The following ADGRD1 variants were observed in gnomAD, a reference collection of about 807,000 sequenced individuals.
ADGRD1 encodes the protein adhesion G protein-coupled receptor D1.
In ADGRD1, 77 loss-of-function variants were observed where a neutral mutation model predicts 113.4. That is an observed-to-expected ratio of 0.68 (90% CI 0.57 to 0.82). The LOEUF is 0.82. Ranked by LOEUF, ADGRD1 falls within the 40% of genes least tolerant of loss-of-function variation. The pLI is 0.00. For synonymous variants in ADGRD1, 474 were observed against 475.0 expected (o/e 1.00, Z 0.03); for missense variants, 1,036 against 1,139.1 (o/e 0.91, Z 1.30).
chr12:130,986,637 C>T (rs949722801), intron 5 of ADGRD1, among the ~76,000 whole-genome samples: 2 of 151,646 alleles, frequency 1.3e-5, no homozygotes, highest in Admixed American at 1.3e-4. Flanking sequence ...TTCTTATTTC[C>T]TTTTTTTTCC....
intron 13 of ADGRD1, among the ~76,000 whole-genome samples, chr12:131,049,698 C>G (rs140965564): frequency 6.6e-6 from 1 of 152,098 alleles, no homozygotes; most frequent in Admixed American, 6.5e-5. Context: ...GTCTGGGGTG[C>G]GAGCAGGGGC....
intron 12 of ADGRD1, among the ~76,000 whole-genome samples, chr12:131,009,371 C>T (rs1292184481): frequency 1.3e-5 from 2 of 152,198 alleles, no homozygotes; most frequent in African/African-American, 4.8e-5. Flanking sequence ...TAAAGAGGTT[C>T]GTGCCTGAGC....
At position 131,022,374 on chromosome 12, in the gene ADGRD1, C is replaced by A. The variant is rs1879421422; in HGVS notation, c.1473+8034C>A. 6.6e-6 allele frequency among the ~76,000 whole-genome samples: 1 copy of A among 152,176 alleles called. No individual in the cohort carries two copies. ...GCTCATCTTCCTTCATGAATTTCTACATTTTGATTGCTCTTGCCTGCAAAA... is the reference window on the plus strand; with the variant it reads ...GCTCATCTTCCTTCATGAATTTCTAAATTTTGATTGCTCTTGCCTGCAAAA... On this transcript the variant is annotated intron_variant, in intron 13 of 24. Coordinates refer to ENST00000261654, the MANE Select transcript of ADGRD1 (RefSeq NM_198827.5). This position sits in a 1 kb window ranked among gnomAD's most constrained non-coding sequence, Gnocchi z 4.6.
chr12:131,046,579 T>C lies in ADGRD1; in HGVS notation c.1474-30222T>C, dbSNP rs1328866534. Among the ~76,000 whole-genome samples the C allele has an allele frequency of 8.4e-4, 96 of 113,712 alleles. 1 individual carries two copies. Among genetic ancestry groups the C allele is most frequent in the African/African-American group, 3.6e-3 (91 of 25,556 alleles). 74.6% of individuals were successfully genotyped at this position (113,712 alleles called of 152,430 possible). ...GGCCAGTGTCCTCCCTGGTGAGTGC[T>C]CCCTCCCTGGTCAGTGTCCTCCCTG... is the stretch of plus-strand genomic sequence containing the variant. On this transcript the variant is annotated intron_variant, in intron 13 of 24. Transcript: ENST00000261654.
intron 4 of ADGRD1, among the ~76,000 whole-genome samples, chr12:130,980,452 C>T (rs1872826701): frequency 6.6e-6 from 1 of 150,538 alleles, no homozygotes; most frequent in East Asian, 2.0e-4. Context: ...GGCTGGAGTG[C>T]AATGGCGTGG....
intron 17 of ADGRD1, among the ~76,000 whole-genome samples, chr12:131,107,941 T>C (rs1271886583): frequency 1.3e-5 from 2 of 152,192 alleles, no homozygotes; most frequent in African/African-American, 4.8e-5. Flanking sequence ...TCTGGTTTCC[T>C]GGACCTTTTA....
chr12:130,962,967 T>C, intron 2 of ADGRD1: 1 of 152,238 alleles, frequency 6.6e-6, no homozygotes, highest in African/African-American at 2.4e-5. Context: ...CATAACTACC[T>C]ATGGCACTTC....
At chr12:131,043,680 C>A (rs1177673781) in intron 13 of ADGRD1, among the ~76,000 whole-genome samples, 2 of 152,236 alleles carry the variant, frequency 1.3e-5, no homozygotes, top group African/African-American at 4.8e-5. Flanking sequence ...GCCCTGCGCA[C>A]GCACACAGGG....
chr12:131,030,003 C>T lies in ADGRD1; in HGVS notation c.1473+15663C>T, dbSNP rs182336607. On this transcript the variant is annotated intron_variant, in intron 13 of 24. Transcript: ENST00000261654. Reference sequence around the variant, plus strand: ...TGTGGACCCCTCTTATGGTAACATTCCCAGGCTCTGGGGTTAGGATGTGGA... The same window carrying T: ...TGTGGACCCCTCTTATGGTAACATTTCCAGGCTCTGGGGTTAGGATGTGGA... Among the ~76,000 whole-genome samples, 188 of 148,040 alleles carry T rather than the reference C, an allele frequency of 1.3e-3. 7 individuals carry two copies. The highest frequency in any genetic ancestry group is 4.4e-3 in the African/African-American group (172 of 39,386).
chr12:130,993,925 G>T (rs1284279890), intron 8 of ADGRD1: 1 of 160,748 alleles, frequency 6.2e-6, no homozygotes, highest in Non-Finnish European at 1.4e-5. Context: ...CGTCCAGGAG[G>T]GAAAGAACGG....
intron 5 of ADGRD1, among the ~76,000 whole-genome samples, chr12:130,983,063 G>T (rs1162262657): frequency 1.3e-5 from 2 of 152,184 alleles, no homozygotes; most frequent in Non-Finnish European, 2.9e-5. Context: ...GACCCAAACA[G>T]GCTGGATCAA....
chr12:131,045,005 C>T (rs1882532712), intron 13 of ADGRD1, among the ~76,000 whole-genome samples: 1 of 152,274 alleles, frequency 6.6e-6, no homozygotes, highest in African/African-American at 2.4e-5. Context: ...GCGCCTTCTC[C>T]GCAGGCCGTG....
rs78071636 is a variant in ADGRD1, at chr12:131,022,443, C to G, written c.1473+8103C>G. Among the ~76,000 whole-genome samples, 1,861 of 152,296 alleles carry G rather than the reference C, an allele frequency of 0.012. 37 individuals carry two copies. Among genetic ancestry groups the G allele is most frequent in the African/African-American group, 0.041 (1,714 of 41,558 alleles). On this transcript the variant is annotated intron_variant, in intron 13 of 24. Coordinates refer to ENST00000261654, the MANE Select transcript of ADGRD1 (RefSeq NM_198827.5). The surrounding 1 kb of genome is among the most constrained non-coding windows in gnomAD (Gnocchi z 4.6). ...GCCTAATGATGACTTTCTATTTCCACCATTCCTTCTGCATTTATTAATTGG... is the reference window on the plus strand; with the variant it reads ...GCCTAATGATGACTTTCTATTTCCAGCATTCCTTCTGCATTTATTAATTGG...
chr12:131,097,343 C>G (rs11836013), intron 15 of ADGRD1, among the ~76,000 whole-genome samples: 6,180 of 152,260 alleles, frequency 0.041, 411 homozygotes, highest in African/African-American at 0.14. Flanking sequence ...AGCATCTGTT[C>G]AAACACACAG....
intron 20 of ADGRD1, among the ~76,000 whole-genome samples, chr12:131,128,574 GA>G (rs1166436945): frequency 2.0e-5 from 3 of 152,140 alleles, no homozygotes; most frequent in African/African-American, 7.2e-5. Context: ...AAATTTACAG[GA>G]AAAGCTTAAG....
intron 13 of ADGRD1, chr12:131,070,842 C>T (rs773908898): frequency 1.9e-6 from 1 of 519,042 alleles, no homozygotes; most frequent in Non-Finnish European, 3.8e-6. Flanking sequence ...CTCTAGTGCC[C>T]TGCCCATGTG....
chr12:131,112,493 C>T (rs887249609), intron 18 of ADGRD1, among the ~76,000 whole-genome samples: 2 of 152,148 alleles, frequency 1.3e-5, no homozygotes, highest in Admixed American at 6.5e-5. Context: ...CTGGCTGTCT[C>T]CAGTAAACCA....
At chr12:131,046,211 G>GGTCAGTGTCCTCCCTT (rs1555253499) in intron 13 of ADGRD1, among the ~76,000 whole-genome samples, 349 of 27,788 alleles carry the variant, frequency 0.013, 3 homozygotes, top group Admixed American at 0.021. Flanking sequence ...CTCCCTCCCT[G>GGTCAGTGTCCTCCCTT]GTCAGTGTCC....
chr12:131,135,726 T>C (rs924477869), intron 21 of ADGRD1, among the ~76,000 whole-genome samples: 1 of 152,106 alleles, frequency 6.6e-6, no homozygotes, highest in African/African-American at 2.4e-5. Flanking sequence ...TCCTCATCTT[T>C]GCAAACAGCT....
Sources: gnomAD v4.1 joint callset for allele counts (sites outside exome capture counted in the v4.1 genomes callset) on GRCh38, gnomAD v4.1.1 for gene constraint, Gnocchi (gnomAD v3.1) non-coding constraint, MANE v1.5 for transcripts, NCBI Gene and HGNC (gene_info 2026-07-23, HGNC 2026-07-21) for gene names.